The following SH3RF3 variants were observed in gnomAD, a reference collection of about 807,000 sequenced individuals.
The protein encoded by SH3RF3 is SH3 domain containing ring finger 3.
SH3RF3 carries 29 observed loss-of-function variants against 66.3 expected under a neutral mutation model. That is an observed-to-expected ratio of 0.44 (90% confidence interval 0.33 to 0.60). The LOEUF is 0.60. Ranked by LOEUF, SH3RF3 falls within the 20% of genes least tolerant of loss-of-function variation. SH3RF3 has a pLI of 0.04. For synonymous variants in SH3RF3, 583 were observed against 532.0 expected (o/e 1.10, Z -1.32); for missense variants, 1,194 against 1,190.9 (o/e 1.00, Z -0.04).
chr2:109,280,785 C>T (rs1312719951), intron 1 of SH3RF3, among the ~76,000 whole-genome samples: 8 of 152,222 alleles, frequency 5.3e-5, no homozygotes, highest in African/African-American at 1.4e-4. Flanking sequence ...CAGGGTTCAT[C>T]TCATTTCTCT....
At chr2:109,203,354 A>T (rs562393124) in intron 1 of SH3RF3, among the ~76,000 whole-genome samples, 1 of 152,192 alleles carries the variant, frequency 6.6e-6, no homozygotes, top group Non-Finnish European at 1.5e-5. Context: ...GCTAGTCCTT[A>T]TGCTGCCCTG....
rs1020254759 is a variant in SH3RF3, at chr2:109,129,239, C to T, written c.-302C>T. Reference sequence around the variant, plus strand: ...GTTGAGCTTCGTGCCCGGCAGCACCCCCGGTCCCCCGCGCGGGGCGGACTT... The same window carrying T: ...GTTGAGCTTCGTGCCCGGCAGCACCTCCGGTCCCCCGCGCGGGGCGGACTT... On this transcript the variant is annotated 5_prime_UTR_variant, in exon 1 of 10. Coordinates refer to ENST00000309415, the MANE Select transcript of SH3RF3 (RefSeq NM_001099289.3). 2.8e-5 allele frequency: 16 copies of T among 568,214 alleles called. 2 individuals carry two copies. Among genetic ancestry groups the T allele is most frequent in the Admixed American group, 1.7e-4 (6 of 35,176 alleles). 35.2% of individuals were successfully genotyped at this position (568,214 alleles called of 1,614,324 possible).
intron 1 of SH3RF3, among the ~76,000 whole-genome samples, chr2:109,336,656 G>A (rs1357641555): frequency 6.6e-6 from 1 of 152,252 alleles, no homozygotes; most frequent in Non-Finnish European, 1.5e-5. Flanking sequence ...TTTCTCTGCA[G>A]TGAGACTATT....
intron 8 of SH3RF3, among the ~76,000 whole-genome samples, chr2:109,472,846 G>A (rs1678559522): frequency 6.6e-6 from 1 of 152,166 alleles, no homozygotes; most frequent in South Asian, 2.1e-4. Context: ...TAATGGACAG[G>A]GTCGTGACAC....
rs1198477037 is a variant in SH3RF3, at chr2:109,129,717, G to A, written c.177G>A (p.Val59=). The A allele has an allele frequency of 2.6e-6, 4 of 1,537,490 alleles. No individual in the cohort carries two copies. Among genetic ancestry groups the A allele is most frequent in the Non-Finnish European group, 3.5e-6 (4 of 1,145,080 alleles). ...SSLLDLLECS[V]CLERLDTTAK... ...TGCTGGACCTGCTGGAGTGCTCCGTGTGTCTGGAGCGCCTGGACACCACGG... is the reference window on the plus strand; with the variant it reads ...TGCTGGACCTGCTGGAGTGCTCCGTATGTCTGGAGCGCCTGGACACCACGG... The change falls in exon 1 of 10, where the codon GTG becomes GTA. Residue 59 remains valine (V), a synonymous_variant. Transcript: ENST00000309415.
At chr2:109,402,715 G>A (rs910502631) in intron 4 of SH3RF3, among the ~76,000 whole-genome samples, 1 of 152,232 alleles carries the variant, frequency 6.6e-6, no homozygotes, top group Non-Finnish European at 1.5e-5. Flanking sequence ...GGGAAGACAG[G>A]ATGGTGAAGT....
chr2:109,134,771 G>A (rs1676779920), intron 1 of SH3RF3, among the ~76,000 whole-genome samples: 1 of 152,138 alleles, frequency 6.6e-6, no homozygotes, highest in Admixed American at 6.5e-5. Flanking sequence ...ATAAGCAGTG[G>A]CCACCCCTTC....
chr2:109,205,486 G>A (rs1271874277), intron 1 of SH3RF3, among the ~76,000 whole-genome samples: 5 of 152,134 alleles, frequency 3.3e-5, no homozygotes, highest in Non-Finnish European at 5.9e-5. Flanking sequence ...CTGACCTCAA[G>A]TGATCCACCT....
intron 7 of SH3RF3, among the ~76,000 whole-genome samples, chr2:109,447,220 T>C (rs1677736578): frequency 6.7e-6 from 1 of 148,794 alleles, no homozygotes; most frequent in Non-Finnish European, 1.5e-5. Flanking sequence ...TAAATCAGCC[T>C]TTCTGTATTT....
chr2:109,491,811 C>G (rs142846954), intron 9 of SH3RF3, among the ~76,000 whole-genome samples: 63 of 152,332 alleles, frequency 4.1e-4, no homozygotes, highest in African/African-American at 1.5e-3. Context: ...CCCAAAAAGA[C>G]AGTCCTGGTG....
At chr2:109,142,653 A>T (rs1415478949) in intron 1 of SH3RF3, among the ~76,000 whole-genome samples, 1 of 152,002 alleles carries the variant, frequency 6.6e-6, no homozygotes, top group African/African-American at 2.4e-5. Flanking sequence ...TGCATCTTGG[A>T]GCCCTCCATC....
At chr2:109,421,546 G>C (rs1310515769) in intron 5 of SH3RF3, among the ~76,000 whole-genome samples, 1 of 152,204 alleles carries the variant, frequency 6.6e-6, no homozygotes, top group African/African-American at 2.4e-5. Flanking sequence ...GTCCTGGATG[G>C]CTTCTAAATT....
chr2:109,288,838 C>G (rs1681098225), intron 1 of SH3RF3, among the ~76,000 whole-genome samples: 1 of 151,648 alleles, frequency 6.6e-6, no homozygotes, highest in African/African-American at 2.4e-5. Context: ...TTCTGGAAAT[C>G]TTTATGCCCA....
intron 1 of SH3RF3, among the ~76,000 whole-genome samples, chr2:109,340,729 C>T (rs1053045794): frequency 1.3e-5 from 2 of 152,108 alleles, no homozygotes; most frequent in Admixed American, 6.6e-5. Flanking sequence ...CAGTTTTATT[C>T]TCAGCATACT....
At chr2:109,364,427 T>C (rs1683118483) in intron 2 of SH3RF3, among the ~76,000 whole-genome samples, 1 of 152,276 alleles carries the variant, frequency 6.6e-6, no homozygotes, top group South Asian at 2.1e-4. Context: ...AGTTGTTTTG[T>C]ATCCGTGATC....
intron 1 of SH3RF3, among the ~76,000 whole-genome samples, chr2:109,249,789 T>C (rs2105254717): frequency 6.6e-6 from 1 of 151,958 alleles, no homozygotes; most frequent in South Asian, 2.1e-4. Flanking sequence ...CCTGAGTAGC[T>C]GGGACTACAG....
At chr2:109,422,600 C>G (rs185270657) in intron 5 of SH3RF3, among the ~76,000 whole-genome samples, 1 of 89,306 alleles carries the variant, frequency 1.1e-5, no homozygotes, top group South Asian at 3.8e-4. Flanking sequence ...CCTTTCCACC[C>G]CCTGCTGTGT....
In SH3RF3 at chr2:109,437,230, G is replaced by A. The variant is rs924690201; in HGVS notation, c.1828+84G>A. 1.4e-4 allele frequency: 213 copies of A among 1,490,038 alleles called. 1 individual carries two copies. Among genetic ancestry groups the A allele is most frequent in the Admixed American group, 1.6e-4 (7 of 43,338 alleles). The allele number at this position is 1,490,038 out of a possible 1,614,324, so 92.3% of individuals were successfully genotyped here. On this transcript the variant is annotated intron_variant, in intron 7 of 9. Transcript: ENST00000309415. ...CTTGTGAGACACATCTTGGCCCAAG[G>A]CTCCAGCAGTGCATGTGTGGCTGGT...
intron 4 of SH3RF3, among the ~76,000 whole-genome samples, chr2:109,418,788 C>T (rs1676793438): frequency 6.6e-6 from 1 of 152,198 alleles, no homozygotes; most frequent in African/African-American, 2.4e-5. Context: ...AGACAGGACA[C>T]TGTCCTAGGG....
Sources: gnomAD v4.1 joint callset for allele counts (sites outside exome capture counted in the v4.1 genomes callset) on GRCh38, gnomAD v4.1.1 for gene constraint, MANE v1.5 for transcripts, NCBI Gene and HGNC (gene_info 2026-07-23, HGNC 2026-07-21) for gene names.